The following RAB3IP variants were observed in gnomAD, a reference collection of about 807,000 sequenced individuals.
RAB3IP encodes rab-3A-interacting protein.
In RAB3IP, 36 loss-of-function variants were observed where a neutral mutation model predicts 59.1. That is an observed-to-expected ratio of 0.61 (90% confidence interval 0.47 to 0.80). RAB3IP has a LOEUF of 0.80. Among genes scored for constraint, RAB3IP ranks in the 30% least tolerant of loss-of-function variants. RAB3IP has a pLI of 0.00. For missense variants in RAB3IP, 511 were observed against 536.0 expected, an observed-to-expected ratio of 0.95 and a Z score of 0.46; for synonymous variants, 207 against 191.2, an observed-to-expected ratio of 1.08 and a Z score of -0.68.
At chr12:69,808,726 G>T (rs1429902763) in intron 8 of RAB3IP, among the ~76,000 whole-genome samples, 2 of 152,106 alleles carry the variant, frequency 1.3e-5, no homozygotes, top group Non-Finnish European at 2.9e-5. Flanking sequence ...TACAACCCCT[G>T]CCTTTTTTTG....
At chr12:69,773,742 C>CA (rs1873613320) in intron 3 of RAB3IP, among the ~76,000 whole-genome samples, 1 of 81,552 alleles carries the variant, frequency 1.2e-5, no homozygotes, top group East Asian at 3.3e-4. Flanking sequence ...GATATGAACT[C>CA]ATCATATTTT....
intron 1 of RAB3IP, among the ~76,000 whole-genome samples, 178 bp from the exon 2 acceptor site, chr12:69,755,206 G>A (rs1869993051): frequency 6.6e-6 from 1 of 151,998 alleles, no homozygotes; most frequent in African/African-American, 2.4e-5. Flanking sequence ...ATCTTCCCGA[G>A]TAGCTGGTAC....
chr12:69,806,628 G>C (rs1363594749), intron 8 of RAB3IP, among the ~76,000 whole-genome samples: 2 of 146,516 alleles, frequency 1.4e-5, no homozygotes, highest in Admixed American at 6.8e-5. Flanking sequence ...TTTCTTGGAG[G>C]GGGTATGTGG....
intron 8 of RAB3IP, among the ~76,000 whole-genome samples, chr12:69,803,072 CTG>C (rs1356669741): frequency 7.2e-5 from 11 of 152,076 alleles, no homozygotes; most frequent in African/African-American, 2.7e-4. Flanking sequence ...TAGCATATAA[CTG>C]TTTTTATTGT....
At chr12:69,801,888 A>G (rs1878444674) in intron 8 of RAB3IP, among the ~76,000 whole-genome samples, 167 bp downstream of exon 8, 2 of 151,116 alleles carry the variant, frequency 1.3e-5, no homozygotes, top group Non-Finnish European at 3.0e-5. Context: ...AGTGTGGAAT[A>G]TAGTATTTCA....
At position 69,820,983 on chromosome 12, in the gene RAB3IP, A is replaced by G. The variant is rs142541254; in HGVS notation, c.*5537A>G. The G allele has an allele frequency of 6.6e-6, 1 of 152,240 alleles. No homozygotes were observed. Among genetic ancestry groups the G allele is most frequent in the East Asian group, 1.9e-4 (1 of 5,166 alleles). 9.4% of individuals were successfully genotyped at this position (152,240 alleles called of 1,614,324 possible). The stretch of plus-strand genomic sequence containing the variant: ...AAAATTTGCAAAACTTAAAAAAAAA[A>G]TGTAGAAGAGGACTAAACTTGATAA... On this transcript the variant is annotated 3_prime_UTR_variant, in exon 11 of 11. Transcript: ENST00000247833.
intron 4 of RAB3IP, among the ~76,000 whole-genome samples, chr12:69,788,245 A>G (rs1472940998): frequency 6.6e-6 from 1 of 152,088 alleles, no homozygotes; most frequent in African/African-American, 2.4e-5. Flanking sequence ...TCGTGCAGAA[A>G]TCGGTAGAAT....
chr12:69,800,086 AAT>A (rs1878141408), intron 6 of RAB3IP, 121 bp from the exon 7 acceptor site: 2 of 702,224 alleles, frequency 2.8e-6, no homozygotes, highest in Non-Finnish European at 4.2e-6. Context: ...AGAGTGGTTC[AAT>A]TTATTATTTT....
At chr12:69,772,453 T>A (rs1453386187) in intron 3 of RAB3IP, among the ~76,000 whole-genome samples, 2 of 152,170 alleles carry the variant, frequency 1.3e-5, no homozygotes, top group Non-Finnish European at 2.9e-5. Context: ...TTTTGGTACT[T>A]CTTTTATAGT....
chr12:69,745,362 TAAA>T (rs977605279), intron 1 of RAB3IP, among the ~76,000 whole-genome samples: 1 of 151,906 alleles, frequency 6.6e-6, no homozygotes, highest in African/African-American at 2.4e-5. Context: ...CTACACTTTT[TAAA>T]AAAATACACA....
chr12:69,771,903 A>T (rs1333773621), intron 3 of RAB3IP, among the ~76,000 whole-genome samples: 1 of 152,162 alleles, frequency 6.6e-6, no homozygotes, highest in Non-Finnish European at 1.5e-5. Flanking sequence ...AATGATGCTG[A>T]GCATTTTTTC....
In RAB3IP at chr12:69,818,468, T is replaced by C. The variant is rs1469891063; in HGVS notation, c.*3022T>C. ...ATACCTTAAAAAAAAAAAAAAAGTA[T>C]ACCCATGGGTCAGCAATTTCACTTT... On this transcript the variant is annotated 3_prime_UTR_variant, in exon 11 of 11. Coordinates refer to ENST00000247833, the MANE Select transcript of RAB3IP (RefSeq NM_022456.5). 6.6e-6 allele frequency: 1 copy of C among 151,416 alleles called. No homozygotes were observed. Among genetic ancestry groups the C allele is most frequent in the African/African-American group, 2.4e-5 (1 of 41,186 alleles). 9.4% of individuals were successfully genotyped at this position (151,416 alleles called of 1,614,324 possible). A position where few individuals can be genotyped will look rare whatever the true frequency, so the allele number is the denominator to read the frequency against.
chr12:69,794,357 T>C (rs1264139437), intron 4 of RAB3IP, 80 bp from the exon 5 acceptor site: 18 of 1,154,434 alleles, frequency 1.6e-5, no homozygotes, highest in Non-Finnish European at 2.2e-5. Flanking sequence ...TATCTTTGCT[T>C]CAATTGTAAA....
chr12:69,764,893 G>T (rs1332943722), intron 3 of RAB3IP, among the ~76,000 whole-genome samples: 1 of 152,092 alleles, frequency 6.6e-6, no homozygotes, highest in Non-Finnish European at 1.5e-5. Flanking sequence ...ATTTGTGTGT[G>T]TGTGTGGTTA....
At chr12:69,806,788 A>G (rs150727047) in intron 8 of RAB3IP, among the ~76,000 whole-genome samples, 1 of 151,740 alleles carries the variant, frequency 6.6e-6, no homozygotes, top group Non-Finnish European at 1.5e-5. Flanking sequence ...ACTCTTAATG[A>G]GCATGCAGCC....
intron 4 of RAB3IP, among the ~76,000 whole-genome samples, chr12:69,790,113 A>G (rs1439341496): frequency 6.6e-6 from 1 of 152,188 alleles, no homozygotes; most frequent in African/African-American, 2.4e-5. Context: ...ACCAAATTGG[A>G]AAGGAAGAAA....
intron 8 of RAB3IP, 137 bp downstream of exon 8, chr12:69,801,858 C>CA: frequency 1.9e-6 from 1 of 522,464 alleles, no homozygotes; most frequent in Non-Finnish European, 3.4e-6. Context: ...TAGCCTAGCC[C>CA]AAAGACAAAT....
At chr12:69,809,687 T>C (rs10879016) in intron 8 of RAB3IP, among the ~76,000 whole-genome samples, 19,938 of 151,918 alleles carry the variant, frequency 0.13, 1,894 homozygotes, top group East Asian at 0.4. Context: ...TCCAGTTGAT[T>C]GCATCGGTTA....
At chr12:69,764,214 T>A (rs1478416411) in intron 3 of RAB3IP, among the ~76,000 whole-genome samples, 1 of 152,172 alleles carries the variant, frequency 6.6e-6, no homozygotes, top group African/African-American at 2.4e-5. Flanking sequence ...CTAGGATTCT[T>A]ATGGCTTATG....
Sources: gnomAD v4.1 joint callset for allele counts (sites outside exome capture counted in the v4.1 genomes callset) on GRCh38, gnomAD v4.1.1 for gene constraint, MANE v1.5 for transcripts, NCBI Gene and HGNC (gene_info 2026-07-23, HGNC 2026-07-21) for gene names.